SFSWAP: variants seen among roughly 807,000 people sequenced by gnomAD.
SFSWAP encodes the protein splicing factor, suppressor of white-apricot homolog.
In SFSWAP, 17 loss-of-function variants were observed where a neutral mutation model predicts 100.7. That is an observed-to-expected ratio of 0.17 (90% CI 0.12 to 0.25). The LOEUF is 0.25. SFSWAP is among the 10% of genes least tolerant of loss of function. SFSWAP has a pLI of 1.00. For missense variants in SFSWAP, 1,005 were observed against 1,262.6 expected (o/e 0.80, Z 3.09); for synonymous variants, 504 against 510.1 (o/e 0.99, Z 0.16).
At chr12:131,787,579 A>G (rs375227836) in intron 15 of SFSWAP, among the ~76,000 whole-genome samples, 1 of 152,256 alleles carries the variant, frequency 6.6e-6, no homozygotes, top group Non-Finnish European at 1.5e-5. Flanking sequence ...AGCATTGCAC[A>G]TCGTAGCCTT....
In SFSWAP at chr12:131,785,098, C is replaced by T. The variant is rs887780297; in HGVS notation, c.2409-1365C>T. ...AGTCACAGCCTCCCCAGGGACGCTG[C>T]GCGCGGAGCCCTGTCAGAGCAGCGC... On this transcript the variant is annotated intron_variant, in intron 14 of 17. Transcript: ENST00000261674. The T allele has an allele frequency of 1.6e-5, 24 of 1,535,384 alleles. No individual in the cohort carries two copies. In the East Asian group the frequency reaches 3.4e-4, roughly 22 times the overall value.
intron 11 of SFSWAP, among the ~76,000 whole-genome samples, chr12:131,760,430 G>A (rs553605002): frequency 1.9e-4 from 29 of 152,236 alleles, no homozygotes; most frequent in African/African-American, 6.7e-4. Context: ...TTTTTTCAAT[G>A]TAGCCTCATT....
At chr12:131,728,223 C>A in intron 6 of SFSWAP, 70 bp from the exon 7 acceptor site, 1 of 1,572,020 alleles carries the variant, frequency 6.4e-7, no homozygotes, top group Admixed American at 1.7e-5. Context: ...AAAGGTGAGC[C>A]TTTTGCAGCA....
chr12:131,725,713 G>A lies in SFSWAP; in HGVS notation c.832+83G>A. On this transcript the variant is annotated intron_variant, in intron 5 of 17. Transcript: ENST00000261674. This position sits in a 1 kb window ranked among gnomAD's most constrained non-coding sequence, Gnocchi z 4.3. ...GGCTGGGTGGTTCTGGGAAAAGTGT[G>A]AAGATACACATTCTTACAGATGCAT... 1.0e-6 allele frequency: 1 copy of A among 988,182 alleles called. No homozygotes were observed. The highest frequency in any genetic ancestry group is 2.6e-5 in the East Asian group (1 of 38,498). 61.2% of individuals were successfully genotyped at this position (988,182 alleles called of 1,614,324 possible). A position where few individuals can be genotyped will look rare whatever the true frequency, so the allele number is the denominator to read the frequency against.
chr12:131,784,934 G>A, intron 14 of SFSWAP: 1 of 551,456 alleles, frequency 1.8e-6, no homozygotes. Flanking sequence ...CCTGATTATT[G>A]AGTTTATTGT....
At position 131,794,046 on chromosome 12, in the gene SFSWAP, A is replaced by ATGTG. The variant is rs1885462288; in HGVS notation, c.2535-3132_2535-3131insTGTG. ...TTCCTAGCTGTGAACTCCTCTATAA[A>ATGTG]GTCAACATTTAACCAAAAACACTTT... On this transcript the variant is annotated intron_variant, in intron 15 of 17. Transcript: ENST00000261674. The surrounding 1 kb of genome is among the most constrained non-coding windows in gnomAD (Gnocchi z 4.8). 6.6e-6 allele frequency among the ~76,000 whole-genome samples: 1 copy of ATGTG among 152,226 alleles called. No homozygotes were observed. Among genetic ancestry groups the ATGTG allele is most frequent in the African/African-American group, 2.4e-5 (1 of 41,460 alleles).
intron 15 of SFSWAP, among the ~76,000 whole-genome samples, chr12:131,793,456 T>C (rs763433339): frequency 6.6e-6 from 1 of 152,002 alleles, no homozygotes; most frequent in Non-Finnish European, 1.5e-5. Flanking sequence ...CTGCATGCTG[T>C]ATGCAAAATT....
In SFSWAP at chr12:131,714,818, C is replaced by T. The variant is rs1489521885; in HGVS notation, c.389-4C>T. ...TGTTGATAAAATTCTCATTTTTATT[C>T]AAGAGGAAGAATACAAGCGATTGAG... On this transcript the variant is annotated splice_region_variant and splice_polypyrimidine_tract_variant and intron_variant, in intron 2 of 17. Transcript: ENST00000261674. The surrounding 1 kb of genome is among the most constrained non-coding windows in gnomAD (Gnocchi z 6.0). 6.2e-7 allele frequency: 1 copy of T among 1,607,882 alleles called. No individual in the cohort carries two copies. Among genetic ancestry groups the T allele is most frequent in the Non-Finnish European group, 8.5e-7 (1 of 1,176,670 alleles).
At chr12:131,742,116 G>A (rs1281991209) in intron 7 of SFSWAP, among the ~76,000 whole-genome samples, 1 of 152,138 alleles carries the variant, frequency 6.6e-6, no homozygotes. Context: ...CCCCCAGTGA[G>A]GGAACTACAG....
chr12:131,722,477 A>G (rs1175159413), intron 4 of SFSWAP, among the ~76,000 whole-genome samples: 1 of 152,126 alleles, frequency 6.6e-6, no homozygotes, highest in South Asian at 2.1e-4. Flanking sequence ...TCCAAGGGAA[A>G]TGTGCTTGCT....
At chr12:131,766,075 T>C (rs777997149) in intron 12 of SFSWAP, 43 bp from the exon 13 acceptor site, 23 of 1,557,606 alleles carry the variant, frequency 1.5e-5, no homozygotes, top group Non-Finnish European at 2.0e-5. Context: ...GATAAAATAC[T>C]GTTTGCTCTA....
In SFSWAP at chr12:131,728,395, G is replaced by C; in HGVS notation, c.1048G>C (p.Val350Leu). The change falls in exon 7 of 18, where the codon GTG becomes CTG. Residue 350 changes from valine to leucine, a missense_variant. Val to Leu is a conservative substitution (Grantham distance 32, BLOSUM62 1). Transcript: ENST00000261674. ...PTPHNADGAP[V>L]QPSQVEYTAD... The stretch of plus-strand genomic sequence containing the variant: ...CCCACACAACGCAGACGGTGCGCCT[G>C]TGCAGCCCTCCCAGGTGGAGTACAC... The C allele has an allele frequency of 6.2e-7, 1 of 1,614,242 alleles. No homozygotes were observed. The highest frequency in any genetic ancestry group is 8.5e-7 in the Non-Finnish European group (1 of 1,180,052).
At chr12:131,754,781 G>T (rs186110569) in intron 9 of SFSWAP, among the ~76,000 whole-genome samples, 3 of 151,442 alleles carry the variant, frequency 2.0e-5, no homozygotes, top group Non-Finnish European at 4.4e-5. Context: ...CTACAGGCGC[G>T]CACCACCACG....
chr12:131,743,956 G>T (rs1229797623), intron 7 of SFSWAP, among the ~76,000 whole-genome samples: 2 of 152,228 alleles, frequency 1.3e-5, no homozygotes, highest in Non-Finnish European at 2.9e-5. Context: ...ACCCTCTGAA[G>T]CCACAGCCTA....
At chr12:131,743,137 TG>T (rs1880810347) in intron 7 of SFSWAP, among the ~76,000 whole-genome samples, 1 of 152,196 alleles carries the variant, frequency 6.6e-6, no homozygotes, top group African/African-American at 2.4e-5. Flanking sequence ...GAGATTTGGG[TG>T]GGGACATGGC....
intron 13 of SFSWAP, among the ~76,000 whole-genome samples, chr12:131,766,515 C>T (rs1883132170): frequency 6.6e-6 from 1 of 152,212 alleles, no homozygotes; most frequent in Non-Finnish European, 1.5e-5. Context: ...TGCACAGTCA[C>T]GCCAGCAGCA....
intron 14 of SFSWAP, chr12:131,785,099 G>C (rs139197877): frequency 6.5e-7 from 1 of 1,535,590 alleles, no homozygotes; most frequent in Admixed American, 2.0e-5. Context: ...GGGACGCTGC[G>C]CGCGGAGCCC....
intron 13 of SFSWAP, among the ~76,000 whole-genome samples, chr12:131,769,593 G>A (rs550269223): frequency 6.6e-6 from 1 of 152,168 alleles, no homozygotes; most frequent in South Asian, 2.1e-4. Context: ...GCTTAGGTCT[G>A]TGTCCTATTT....
intron 12 of SFSWAP, among the ~76,000 whole-genome samples, chr12:131,765,908 C>G (rs1343327429): frequency 6.6e-6 from 1 of 151,990 alleles, no homozygotes; most frequent in Admixed American, 6.6e-5. Context: ...AGTGTAGAGT[C>G]TCACCAACCT....
Sources: gnomAD v4.1 joint callset for allele counts (sites outside exome capture counted in the v4.1 genomes callset) on GRCh38, gnomAD v4.1.1 for gene constraint, Gnocchi (gnomAD v3.1) non-coding constraint, MANE v1.5 for transcripts, NCBI Gene and HGNC (gene_info 2026-07-23, HGNC 2026-07-21) for gene names.